IGSF11: variants seen among roughly 807,000 people sequenced by gnomAD.
The protein encoded by IGSF11 is immunoglobulin superfamily member 11.
IGSF11 carries 22 observed loss-of-function variants against 41.0 expected under a neutral mutation model. The observed-to-expected ratio is 0.54, with a 90% CI of 0.38 to 0.77. IGSF11 has a LOEUF of 0.77. Among genes scored for constraint, IGSF11 ranks in the 30% least tolerant of loss-of-function variants. The pLI is 0.00. For missense variants in IGSF11, 444 were observed against 530.8 expected, an observed-to-expected ratio of 0.84 and a Z score of 1.61; for synonymous variants, 219 against 201.3, an observed-to-expected ratio of 1.09 and a Z score of -0.74.
intron 1 of IGSF11, chr3:118,983,476 G>A (rs1934951742): frequency 6.6e-6 from 1 of 151,840 alleles, no homozygotes. Flanking sequence ...GGGTTTAGAT[G>A]TAGTCTATAA....
chr3:119,054,989 GA>G (rs1032543125), intron 1 of IGSF11, among the ~76,000 whole-genome samples: 3 of 152,172 alleles, frequency 2.0e-5, no homozygotes, highest in African/African-American at 7.2e-5. Context: ...ACTTTCAGAG[GA>G]ACAATCAGGC....
upstream of IGSF11, among the ~76,000 whole-genome samples, chr3:119,039,295 G>A (rs554298987): frequency 1.1e-4 from 17 of 152,200 alleles, no homozygotes; most frequent in African/African-American, 2.6e-4. Context: ...TGGAGGTTCC[G>A]GGGAGAATCA....
In IGSF11 at chr3:119,040,364, C is replaced by T. The variant is rs548715860; in HGVS notation, c.49+64780G>A. Among the ~76,000 whole-genome samples, 9 of 152,278 alleles carry T rather than the reference C, an allele frequency of 5.9e-5. No homozygotes were observed. The South Asian group carries it at 1.5e-3, about 25-fold the overall frequency. On this transcript the variant is annotated intron_variant, in intron 1 of 6. Transcript: ENST00000354673. Reference sequence around the variant, plus strand: ...CAAGTTATCCTTAAAAACTCTGCTCCCTGAATGTCTGGGGAGACTGATTTG... The same window carrying T: ...CAAGTTATCCTTAAAAACTCTGCTCTCTGAATGTCTGGGGAGACTGATTTG...
intron 1 of IGSF11, among the ~76,000 whole-genome samples, chr3:119,070,473 C>T (rs1323443985): frequency 6.6e-6 from 1 of 152,198 alleles, no homozygotes; most frequent in Non-Finnish European, 1.5e-5. Context: ...ATTAAGGATA[C>T]TTCATGCAGT....
chr3:118,979,916 C>T (rs992655570), intron 1 of IGSF11, among the ~76,000 whole-genome samples: 1 of 151,900 alleles, frequency 6.6e-6, no homozygotes, highest in African/African-American at 2.4e-5. Context: ...GAAGAAAATG[C>T]TCATAACTAA....
chr3:119,132,989 G>A (rs1043198282), intron 1 of IGSF11, among the ~76,000 whole-genome samples: 2 of 152,032 alleles, frequency 1.3e-5, no homozygotes, highest in African/African-American at 4.8e-5. Context: ...CAAAATAAAG[G>A]CAGAAATAAA....
At chr3:118,976,064 CA>C (rs1036587506) in intron 1 of IGSF11, among the ~76,000 whole-genome samples, 1 of 152,042 alleles carries the variant, frequency 6.6e-6, no homozygotes, top group Non-Finnish European at 1.5e-5. Context: ...GAAACCGATA[CA>C]TGAAATAGAA....
intron 1 of IGSF11, among the ~76,000 whole-genome samples, chr3:118,957,291 T>C (rs1413201348): frequency 6.6e-6 from 1 of 152,200 alleles, no homozygotes; most frequent in Non-Finnish European, 1.5e-5. Flanking sequence ...ACTACTCAAA[T>C]GCTAATCTCA....
intron 1 of IGSF11, among the ~76,000 whole-genome samples, chr3:118,978,027 G>A (rs1441391350): frequency 2.0e-5 from 3 of 152,114 alleles, no homozygotes; most frequent in Non-Finnish European, 4.4e-5. Flanking sequence ...GCTGTGGGCT[G>A]AGGTGCAAGA....
intron 1 of IGSF11, among the ~76,000 whole-genome samples, chr3:118,956,045 G>A (rs1944929920): frequency 1.3e-5 from 2 of 152,092 alleles, no homozygotes; most frequent in African/African-American, 4.8e-5. Flanking sequence ...GCTTTATCTT[G>A]TACTTTCATG....
chr3:119,087,288 A>C (rs2076691326), intron 1 of IGSF11, among the ~76,000 whole-genome samples: 2 of 152,138 alleles, frequency 1.3e-5, no homozygotes, highest in Admixed American at 1.3e-4. Context: ...ATGCACGTTT[A>C]CAGCAGCACA....
chr3:118,940,341 A>G (rs1333474755), intron 1 of IGSF11, among the ~76,000 whole-genome samples: 1 of 152,206 alleles, frequency 6.6e-6, no homozygotes. Context: ...GGTTTCAGAA[A>G]TCAAGGCTAA....
chr3:119,013,442 T>C (rs1393146815), intron 1 of IGSF11, among the ~76,000 whole-genome samples: 1 of 152,220 alleles, frequency 6.6e-6, no homozygotes, highest in African/African-American at 2.4e-5. Context: ...CCTGGATCCC[T>C]TTTTGGTCTC....
intron 3 of IGSF11, among the ~76,000 whole-genome samples, chr3:118,928,090 G>A (rs1180964973): frequency 6.6e-6 from 1 of 152,118 alleles, no homozygotes; most frequent in Middle Eastern, 3.2e-3. Context: ...CAAGAACTGT[G>A]GTGATCCTAC....
chr3:118,984,157 G>T lies in IGSF11; in HGVS notation c.52+50374C>A, dbSNP rs866245898. Among the ~76,000 whole-genome samples the T allele has an allele frequency of 7.1e-4, 105 of 147,076 alleles. 2 individuals carry two copies. In the Middle Eastern group the frequency reaches 0.014, roughly 20 times the overall value. ...AGTCTTATAGCCAGATTCAGGCTTTGTAATTTCTGAAATTCAAAAAAAAAA... is the reference window on the plus strand; with the variant it reads ...AGTCTTATAGCCAGATTCAGGCTTTTTAATTTCTGAAATTCAAAAAAAAAA... On this transcript the variant is annotated intron_variant, in intron 1 of 6. Coordinates refer to ENST00000393775, the MANE Select transcript of IGSF11 (RefSeq NM_001015887.3).
At chr3:119,002,691 G>A (rs1167854414) in intron 1 of IGSF11, among the ~76,000 whole-genome samples, 1 of 132,236 alleles carries the variant, frequency 7.6e-6, no homozygotes, top group Non-Finnish European at 1.6e-5. Flanking sequence ...TTCTACATAT[G>A]GCTAGCCAGT....
chr3:119,090,408 A>T (rs1328353799), intron 1 of IGSF11, among the ~76,000 whole-genome samples: 1 of 152,224 alleles, frequency 6.6e-6, no homozygotes, highest in Non-Finnish European at 1.5e-5. Flanking sequence ...GAACAATAAC[A>T]AAAAGCCCAT....
chr3:119,107,217 G>A (rs1559871249), upstream of IGSF11, among the ~76,000 whole-genome samples: 2 of 152,178 alleles, frequency 1.3e-5, no homozygotes, highest in Non-Finnish European at 2.9e-5. Flanking sequence ...GTGTAAAAGT[G>A]TTCCTATTTC....
intron 4 of IGSF11, among the ~76,000 whole-genome samples, chr3:118,910,571 T>C (rs1338283765): frequency 6.6e-6 from 1 of 152,190 alleles, no homozygotes; most frequent in Non-Finnish European, 1.5e-5. Flanking sequence ...ACTGACACAG[T>C]TTCTAAAATG....
Sources: gnomAD v4.1 joint callset for allele counts (sites outside exome capture counted in the v4.1 genomes callset) on GRCh38, gnomAD v4.1.1 for gene constraint, MANE v1.5 for transcripts, NCBI Gene and HGNC (gene_info 2026-07-23, HGNC 2026-07-21) for gene names.